NXPE2: variants seen among roughly 807,000 people sequenced by gnomAD.
NXPE2 encodes the protein NXPE family member 2.
NXPE2 carries 34 observed loss-of-function variants against 34.4 expected under a neutral mutation model. The ratio of observed to expected loss-of-function variants is 0.99; its 90% confidence interval spans 0.75 to 1.31. The LOEUF (loss-of-function observed/expected upper bound fraction) is 1.31. Ranked by LOEUF, NXPE2 falls within the 40% of genes most tolerant of loss-of-function variation. NXPE2 has a pLI of 0.00. For synonymous variants in NXPE2, 235 were observed against 231.3 expected, an observed-to-expected ratio of 1.02 and a Z score of -0.15; for missense variants, 649 against 672.5, an observed-to-expected ratio of 0.97 and a Z score of 0.39.
chr11:114,553,869 C>T, the NXPE2 span: 1 of 963,512 alleles, frequency 1.0e-6, no homozygotes, highest in East Asian at 1.2e-4. Flanking sequence ...TTGAAATAGG[C>T]CATGATGGGT....
At chr11:114,532,349 C>T in the NXPE2 span, among the ~76,000 whole-genome samples, 53 of 151,918 alleles carry the variant, frequency 3.5e-4, no homozygotes, top group African/African-American at 1.2e-3. Context: ...CCAAAAGAAC[C>T]TTTTGGTTCT....
chr11:114,616,420 T>C, the NXPE2 span, among the ~76,000 whole-genome samples: 1 of 151,620 alleles, frequency 6.6e-6, no homozygotes, highest in Non-Finnish European at 1.5e-5. Context: ...TGTTACCTGG[T>C]GAATAATAAG....
At chr11:114,576,513 A>G in the NXPE2 span, among the ~76,000 whole-genome samples, 2 of 152,108 alleles carry the variant, frequency 1.3e-5, no homozygotes, top group Admixed American at 6.6e-5. Flanking sequence ...AGAAAAAAAA[A>G]GTCCCATCAA....
At chr11:114,529,042 A>G in the NXPE2 span, 1 of 399,734 alleles carries the variant, frequency 2.5e-6, no homozygotes, top group Non-Finnish European at 4.4e-6. Flanking sequence ...TCTGGAATGC[A>G]TGTTATTTTG....
the NXPE2 span, among the ~76,000 whole-genome samples, chr11:114,472,659 G>A: frequency 6.6e-6 from 1 of 152,118 alleles, no homozygotes; most frequent in African/African-American, 2.4e-5. Context: ...CAGACTTGGT[G>A]TCTGGCAGGG....
chr11:114,666,722 C>T, the NXPE2 span, among the ~76,000 whole-genome samples: 1 of 152,040 alleles, frequency 6.6e-6, no homozygotes, highest in Non-Finnish European at 1.5e-5. Flanking sequence ...AAATTGCTGG[C>T]ATATGCATGT....
At chr11:114,657,306 T>A in the NXPE2 span, among the ~76,000 whole-genome samples, 1 of 152,168 alleles carries the variant, frequency 6.6e-6, no homozygotes, top group African/African-American at 2.4e-5. Context: ...GATCTCGATA[T>A]AGAATTTAGA....
chr11:114,562,578 G>T, the NXPE2 span, among the ~76,000 whole-genome samples: 1 of 152,140 alleles, frequency 6.6e-6, no homozygotes, highest in Admixed American at 6.6e-5. Context: ...ATTTAATTAT[G>T]CCATTTTCCT....
the NXPE2 span, among the ~76,000 whole-genome samples, chr11:114,471,997 T>TAATC: frequency 1.3e-5 from 2 of 152,226 alleles, no homozygotes; most frequent in Non-Finnish European, 2.9e-5. Flanking sequence ...TTGATCCCTT[T>TAATC]AATCCCCTAG....
the NXPE2 span, among the ~76,000 whole-genome samples, chr11:114,783,650 GGTTT>G: frequency 5.9e-5 from 9 of 152,136 alleles, no homozygotes; most frequent in Non-Finnish European, 1.0e-4. Flanking sequence ...TGAGATTAAT[GGTTT>G]GTTTTTCCAT....
chr11:114,799,524 G>A, the NXPE2 span, among the ~76,000 whole-genome samples: 1 of 152,144 alleles, frequency 6.6e-6, no homozygotes, highest in Non-Finnish European at 1.5e-5. Context: ...GGGAGAAGGA[G>A]CCAAGGAGGA....
the NXPE2 span, among the ~76,000 whole-genome samples, chr11:114,473,350 C>A: frequency 6.6e-6 from 1 of 152,128 alleles, no homozygotes; most frequent in Non-Finnish European, 1.5e-5. Flanking sequence ...TGATTTCAAT[C>A]ATCTATTTCT....
chr11:114,612,931 C>T, the NXPE2 span, among the ~76,000 whole-genome samples: 6 of 151,914 alleles, frequency 3.9e-5, no homozygotes, highest in South Asian at 2.1e-4. Context: ...ATTGTTGCAT[C>T]GCATGTATCC....
At chr11:114,719,515 C>A in the NXPE2 span, among the ~76,000 whole-genome samples, 1 of 152,154 alleles carries the variant, frequency 6.6e-6, no homozygotes, top group African/African-American at 2.4e-5. Context: ...GACGTTTGCC[C>A]GTTCTGTTGT....
At chr11:114,727,179 A>G in the NXPE2 span, among the ~76,000 whole-genome samples, 4 of 152,054 alleles carry the variant, frequency 2.6e-5, no homozygotes, top group Admixed American at 6.6e-5. Flanking sequence ...ACAAAACACT[A>G]TATACTGGGG....
At chr11:114,602,178 A>G in the NXPE2 span, among the ~76,000 whole-genome samples, 5 of 107,822 alleles carry the variant, frequency 4.6e-5, no homozygotes, top group African/African-American at 1.9e-4. Flanking sequence ...ATATTATACT[A>G]TATACATTAT....
intron 2 of NXPE2, among the ~76,000 whole-genome samples, chr11:114,693,903 T>G (rs1951199675): frequency 6.6e-6 from 1 of 152,194 alleles, no homozygotes; most frequent in Non-Finnish European, 1.5e-5. Context: ...CAATGCAAAT[T>G]TATTATGTTG....
At chr11:114,761,102 T>TA in the NXPE2 span, among the ~76,000 whole-genome samples, 2 of 152,206 alleles carry the variant, frequency 1.3e-5, no homozygotes, top group African/African-American at 4.8e-5. Context: ...AGATCCCAGA[T>TA]ACTTTGAAAT....
the NXPE2 span, among the ~76,000 whole-genome samples, chr11:114,637,395 A>G: frequency 1.1e-3 from 162 of 151,086 alleles, no homozygotes; most frequent in East Asian, 3.3e-3. Context: ...ACAGCACACT[A>G]ATGGGTCTTG....
Sources: allele counts gnomAD v4.1 joint callset (sites outside exome capture counted in the v4.1 genomes callset), GRCh38; gene constraint gnomAD v4.1.1; transcripts MANE v1.5; gene names NCBI Gene and HGNC (gene_info 2026-07-23, HGNC 2026-07-21).